PEX13: variants seen among roughly 807,000 people sequenced by gnomAD.
PEX13 encodes the protein peroxisomal biogenesis factor 13, also known as peroxisome biogenesis factor 13.
In PEX13, 28 loss-of-function variants were observed where a neutral mutation model predicts 34.5. That is an observed-to-expected ratio of 0.81 (90% confidence interval 0.60 to 1.11). PEX13 has a LOEUF of 1.11. PEX13 is among the 50% of genes most tolerant of loss of function. The pLI is 0.00. For missense variants in PEX13, 550 were observed against 491.0 expected, an observed-to-expected ratio of 1.12 and a Z score of -1.13; for synonymous variants, 177 against 175.1, an observed-to-expected ratio of 1.01 and a Z score of -0.09.
At chr2:61,019,825 C>T (rs1680218762) in intron 1 of PEX13, among the ~76,000 whole-genome samples, 1 of 152,126 alleles carries the variant, frequency 6.6e-6, no homozygotes, top group African/African-American at 2.4e-5. Context: ...TAATTGCGCT[C>T]TTTACACTTA....
chr2:61,033,871 A>G (rs967415714), intron 2 of PEX13, among the ~76,000 whole-genome samples: 5 of 152,186 alleles, frequency 3.3e-5, no homozygotes, highest in South Asian at 4.1e-4. Context: ...AAGGGAGTAG[A>G]TGGTATAAGT....
chr2:61,018,197 C>T (rs1308872990), intron 1 of PEX13: 3 of 1,550,962 alleles, frequency 1.9e-6, no homozygotes, highest in Admixed American at 2.0e-5. Flanking sequence ...AGACTTTGGT[C>T]TGTAGCAGTT....
chr2:61,038,139 G>C (rs568196635), intron 2 of PEX13, among the ~76,000 whole-genome samples: 3 of 152,278 alleles, frequency 2.0e-5, no homozygotes, highest in African/African-American at 7.2e-5. Flanking sequence ...AAAAAGTCCA[G>C]GACCAGACAG....
intron 1 of PEX13, among the ~76,000 whole-genome samples, chr2:61,029,181 G>A (rs549392017): frequency 2.9e-4 from 43 of 148,014 alleles, no homozygotes; most frequent in African/African-American, 9.9e-4. Context: ...AGTGGGCAAA[G>A]TATCTGAATA....
intron 2 of PEX13, among the ~76,000 whole-genome samples, chr2:61,037,761 C>G (rs1484823068): frequency 1.3e-5 from 2 of 152,080 alleles, no homozygotes; most frequent in Non-Finnish European, 2.9e-5. Flanking sequence ...TAACTAAGAT[C>G]AGAGCAAAAC....
chr2:61,021,015 A>G (rs1417933543), intron 1 of PEX13, among the ~76,000 whole-genome samples: 1 of 152,208 alleles, frequency 6.6e-6, no homozygotes. Context: ...GCTTTTCTGC[A>G]TCTGTTGAGA....
chr2:61,018,384 A>G, intron 1 of PEX13: 1 of 1,432,852 alleles, frequency 7.0e-7, no homozygotes, highest in Non-Finnish European at 9.3e-7. Context: ...TCGAGATTGG[A>G]GAAGCAACTT....
At chr2:61,033,538 T>C (rs1348939425) in intron 2 of PEX13, among the ~76,000 whole-genome samples, 1 of 152,182 alleles carries the variant, frequency 6.6e-6, no homozygotes, top group Non-Finnish European at 1.5e-5. Flanking sequence ...ATCTCTGCCT[T>C]TGTGGCAGTC....
intron 2 of PEX13, among the ~76,000 whole-genome samples, chr2:61,039,896 GA>G (rs1004117759): frequency 2.0e-5 from 3 of 151,232 alleles, no homozygotes; most frequent in African/African-American, 7.3e-5. Flanking sequence ...AAATTTACAA[GA>G]AAAAAAACAA....
intron 1 of PEX13, among the ~76,000 whole-genome samples, chr2:61,019,701 G>A (rs967150994): frequency 3.3e-5 from 5 of 152,056 alleles, no homozygotes; most frequent in African/African-American, 1.2e-4. Context: ...TAAATATGTA[G>A]TTCTGTTTTG....
At chr2:61,042,221 T>C (rs1286071006) in intron 2 of PEX13, among the ~76,000 whole-genome samples, 1 of 152,234 alleles carries the variant, frequency 6.6e-6, no homozygotes, top group Non-Finnish European at 1.5e-5. Flanking sequence ...TTTCCATACA[T>C]ATTGTTATGG....
At chr2:61,026,413 C>T (rs1274332299) in intron 1 of PEX13, among the ~76,000 whole-genome samples, 6 of 141,946 alleles carry the variant, frequency 4.2e-5, no homozygotes, top group African/African-American at 1.1e-4. Context: ...GGTGCTATCT[C>T]GGCTCACCTC....
chr2:61,017,880 T>G, intron 1 of PEX13, 29 bp downstream of exon 1: 1 of 1,542,618 alleles, frequency 6.5e-7, no homozygotes, highest in Non-Finnish European at 8.8e-7. Flanking sequence ...AGGCTGTGAG[T>G]TTAGTGGGCC....
chr2:61,046,152 A>G (rs1416827183), intron 3 of PEX13, among the ~76,000 whole-genome samples: 1 of 152,238 alleles, frequency 6.6e-6, no homozygotes, highest in Non-Finnish European at 1.5e-5. Context: ...TGATGTCAGT[A>G]ACTAAACATA....
At chr2:61,017,917 T>C (rs1168203675) in intron 1 of PEX13, 66 bp downstream of exon 1, 1 of 1,483,942 alleles carries the variant, frequency 6.7e-7, no homozygotes, top group African/African-American at 1.4e-5. Flanking sequence ...AGGAGGCGGT[T>C]GTAGCGGTTG....
At chr2:61,036,003 G>A (rs1424575969) in intron 2 of PEX13, among the ~76,000 whole-genome samples, 12 of 144,344 alleles carry the variant, frequency 8.3e-5, no homozygotes, top group East Asian at 8.0e-4. Context: ...AAAAAAAGCC[G>A]ATTCAATCAA....
At chr2:61,042,925 GGAT>G (rs1274948240) in intron 2 of PEX13, among the ~76,000 whole-genome samples, 2 of 152,162 alleles carry the variant, frequency 1.3e-5, no homozygotes. Context: ...ATGACCCAAT[GGAT>G]ATTAATACTT....
chr2:61,045,591 A>G, intron 2 of PEX13, 135 bp from the exon 3 acceptor site: 1 of 686,504 alleles, frequency 1.5e-6, no homozygotes, highest in Non-Finnish European at 2.6e-6. Context: ...TTAACATAGT[A>G]TTCATTATAG....
rs865938493 is a variant in PEX13, at chr2:61,017,781, C to T, written c.22C>T (p.Pro8Ser). 5.8e-6 allele frequency: 9 copies of T among 1,549,616 alleles called. No individual in the cohort carries two copies. The East Asian group carries it at 7.3e-5, about 13-fold the overall frequency. The change falls in exon 1 of 4, where the codon CCC becomes TCC. Residue 8 changes from proline (P) to serine (S), a missense_variant. Pro to Ser is a moderately conservative substitution (Grantham distance 74). Transcript: ENST00000295030. Reference protein sequence around the residue: MASQPPPPPKPWETRRIP... With the variant: MASQPPPSPKPWETRRIP... ...GGAGATGGCGTCCCAGCCGCCACCTCCCCCCAAACCCTGGGAGACCCGCCG... is the reference window on the plus strand; with the variant it reads ...GGAGATGGCGTCCCAGCCGCCACCTTCCCCCAAACCCTGGGAGACCCGCCG...
Sources: gnomAD v4.1 joint callset for allele counts (sites outside exome capture counted in the v4.1 genomes callset) on GRCh38, gnomAD v4.1.1 for gene constraint, MANE v1.5 for transcripts, NCBI Gene and HGNC (gene_info 2026-07-23, HGNC 2026-07-21) for gene names.